The following CSTPP1 variants were observed in gnomAD, a reference collection of about 807,000 sequenced individuals.
CSTPP1 encodes the protein UPF0705 protein C11orf49.
the CSTPP1 span, among the ~76,000 whole-genome samples, chr11:47,059,062 A>C: frequency 6.6e-6 from 1 of 152,244 alleles, no homozygotes; most frequent in Non-Finnish European, 1.5e-5. Flanking sequence ...TGAAGCTGGA[A>C]GCCATCATCC....
chr11:47,042,007 C>T, the CSTPP1 span: 2 of 195,190 alleles, frequency 1.0e-5, no homozygotes, highest in African/African-American at 2.3e-5. Context: ...AGTTTGAGAT[C>T]GGCCTGGAAG....
chr11:47,119,953 T>A, the CSTPP1 span, among the ~76,000 whole-genome samples: 1 of 152,096 alleles, frequency 6.6e-6, no homozygotes, highest in Admixed American at 6.6e-5. Flanking sequence ...CTCAAAAAAT[T>A]TAAGTAACTA....
At chr11:47,012,371 T>G in the CSTPP1 span, among the ~76,000 whole-genome samples, 1 of 152,204 alleles carries the variant, frequency 6.6e-6, no homozygotes, top group Non-Finnish European at 1.5e-5. Context: ...GCCATTGCTA[T>G]TTTAGATACT....
At chr11:47,139,296 C>T in the CSTPP1 span, among the ~76,000 whole-genome samples, 1 of 152,150 alleles carries the variant, frequency 6.6e-6, no homozygotes, top group Non-Finnish European at 1.5e-5. Context: ...CTCCCACACA[C>T]ACCCCTAGAG....
At chr11:46,949,475 C>A in the CSTPP1 span, among the ~76,000 whole-genome samples, 1 of 152,088 alleles carries the variant, frequency 6.6e-6, no homozygotes. Context: ...TTACAAATAG[C>A]CTTTGGAGTC....
chr11:46,938,166 A>T, the CSTPP1 span, among the ~76,000 whole-genome samples: 5 of 152,112 alleles, frequency 3.3e-5, no homozygotes, highest in Non-Finnish European at 5.9e-5. Context: ...GAGCCACTGC[A>T]CATGGCGAGA....
the CSTPP1 span, among the ~76,000 whole-genome samples, chr11:46,955,854 C>CG: frequency 1.3e-5 from 2 of 151,724 alleles, no homozygotes; most frequent in African/African-American, 4.8e-5. Context: ...TAGCTGGGCG[C>CG]GGCGGGTGCC....
At chr11:46,955,986 A>AC in the CSTPP1 span, among the ~76,000 whole-genome samples, 225 of 115,596 alleles carry the variant, frequency 1.9e-3, 2 homozygotes, top group South Asian at 0.026. Flanking sequence ...GACTCCATCC[A>AC]CCCCCCCCCC....
At chr11:46,980,762 G>A in the CSTPP1 span, among the ~76,000 whole-genome samples, 1 of 151,882 alleles carries the variant, frequency 6.6e-6, no homozygotes. Flanking sequence ...AAGTCAAGAA[G>A]AAGAAAAAAA....
chr11:46,938,886 G>T, the CSTPP1 span, among the ~76,000 whole-genome samples: 1 of 146,664 alleles, frequency 6.8e-6, no homozygotes, highest in Non-Finnish European at 1.5e-5. Flanking sequence ...AAGTGATCCT[G>T]CTACCTCAGC....
the CSTPP1 span, chr11:46,987,612 C>T: frequency 2.2e-4 from 53 of 243,462 alleles, no homozygotes; most frequent in African/African-American, 1.0e-3. Context: ...AAAATATTCA[C>T]TTTGATTTCC....
the CSTPP1 span, among the ~76,000 whole-genome samples, chr11:46,966,048 T>C: frequency 6.6e-6 from 1 of 152,172 alleles, no homozygotes; most frequent in Non-Finnish European, 1.5e-5. Context: ...AGTCTTTTTT[T>C]TGTTTGTTTG....
the CSTPP1 span, among the ~76,000 whole-genome samples, chr11:46,949,329 C>T: frequency 6.6e-6 from 1 of 152,190 alleles, no homozygotes; most frequent in Non-Finnish European, 1.5e-5. Flanking sequence ...ACATGATTGT[C>T]TTCTAAAGTC....
the CSTPP1 span, among the ~76,000 whole-genome samples, chr11:46,973,187 G>A: frequency 5.9e-5 from 9 of 152,264 alleles, no homozygotes; most frequent in East Asian, 3.9e-4. Flanking sequence ...ATGTCAGTAC[G>A]TCTCTTAAGA....
chr11:46,939,456 A>G, the CSTPP1 span, among the ~76,000 whole-genome samples: 1 of 152,074 alleles, frequency 6.6e-6, no homozygotes, highest in Non-Finnish European at 1.5e-5. Flanking sequence ...AATTAATTTT[A>G]AAATATTTTT....
the CSTPP1 span, among the ~76,000 whole-genome samples, chr11:47,096,398 C>T: frequency 5.3e-5 from 8 of 152,226 alleles, no homozygotes; most frequent in African/African-American, 1.9e-4. Flanking sequence ...ACTTTCTGTC[C>T]CTCTGAATTT....
At chr11:47,161,283 T>TAACA in the CSTPP1 span, 1 of 1,606,882 alleles carries the variant, frequency 6.2e-7, no homozygotes, top group Non-Finnish European at 8.5e-7. Context: ...CACTTGTCTG[T>TAACA]AACATCCCAC....
At chr11:47,155,226 T>C in the CSTPP1 span, 1 of 1,614,034 alleles carries the variant, frequency 6.2e-7, no homozygotes, top group Non-Finnish European at 8.5e-7. Context: ...TTTTCAGATT[T>C]CCTCTTTGCC....
At chr11:46,986,423 CTTT>C in the CSTPP1 span, among the ~76,000 whole-genome samples, 1 of 138,604 alleles carries the variant, frequency 7.2e-6, no homozygotes, top group African/African-American at 2.6e-5. Context: ...TTTCCAGTGA[CTTT>C]TTTTTTTTTT....
Sources: gnomAD v4.1 joint callset for allele counts (sites outside exome capture counted in the v4.1 genomes callset) on GRCh38, gnomAD v4.1.1 for gene constraint, MANE v1.5 for transcripts, NCBI Gene and HGNC (gene_info 2026-07-23, HGNC 2026-07-21) for gene names.